The following MTOR variants were observed in gnomAD, a reference collection of about 807,000 sequenced individuals.
MTOR encodes mechanistic target of rapamycin kinase, also known as serine/threonine-protein kinase mTOR.
MTOR carries 70 observed loss-of-function variants against 319.8 expected under a neutral mutation model. The ratio of observed to expected loss-of-function variants is 0.22; its 90% CI spans 0.18 to 0.27. The LOEUF (loss-of-function observed/expected upper bound fraction) is 0.27, where lower values mean the gene tolerates loss of function less well. Ranked by LOEUF, MTOR falls within the 10% of genes least tolerant of loss-of-function variation. MTOR has a pLI of 1.00. For synonymous variants in MTOR, 1,183 were observed against 1,211.4 expected (o/e 0.98, Z 0.49); for missense variants, 1,890 against 3,274.4 (o/e 0.58, Z 10.32).
intron 29 of MTOR, among the ~76,000 whole-genome samples, chr1:11,166,388 A>G (rs1173124049): frequency 6.6e-6 from 1 of 152,222 alleles, no homozygotes; most frequent in Non-Finnish European, 1.5e-5. Context: ...AAGAACTTAA[A>G]CAAATTTACA....
intron 36 of MTOR, among the ~76,000 whole-genome samples, chr1:11,135,283 G>A (rs983996433): frequency 6.6e-6 from 1 of 151,678 alleles, no homozygotes; most frequent in Non-Finnish European, 1.5e-5. Context: ...CTAGAGGGGG[G>A]AAAACCCACA....
At chr1:11,254,051 TG>T in intron 5 of MTOR, 78 bp from the exon 6 acceptor site, 1 of 1,580,846 alleles carries the variant, frequency 6.3e-7, no homozygotes, top group Non-Finnish European at 8.7e-7. Context: ...CCATCTACAC[TG>T]GGGGTTCTGA....
rs150478292 is a variant in MTOR, at chr1:11,237,752, C to A, written c.2208+91G>T. The stretch of plus-strand genomic sequence containing the variant: ...ACCAGGTACCTCAATCTTTCTCCCC[C>A]ATCCTTGTCCTCAACTCCGCTTCCT... On this transcript the variant is annotated intron_variant, in intron 13 of 57. Coordinates refer to ENST00000361445, the MANE Select transcript of MTOR (RefSeq NM_004958.4). 127 of 1,387,804 alleles carry A rather than the reference C, an allele frequency of 9.2e-5. 1 individual carries two copies. In the African/African-American group the frequency reaches 1.6e-3, roughly 18 times the overall value. The allele number at this position is 1,387,804 out of a possible 1,614,324, so 86.0% of individuals were successfully genotyped here.
intron 19 of MTOR, among the ~76,000 whole-genome samples, chr1:11,221,431 T>C (rs1401887873): frequency 6.6e-6 from 1 of 152,126 alleles, no homozygotes; most frequent in Non-Finnish European, 1.5e-5. Flanking sequence ...CATTTAGTCA[T>C]CTTATTGTTA....
At position 11,107,224 on chromosome 1, in the gene MTOR, T is replaced by C. The variant is rs1223579779; in HGVS notation, c.*261A>G. 3 of 1,408,008 alleles carry C rather than the reference T, an allele frequency of 2.1e-6. No individual in the cohort carries two copies. Among genetic ancestry groups the C allele is most frequent in the African/African-American group, 2.9e-5 (2 of 69,642 alleles). 87.2% of individuals were successfully genotyped at this position (1,408,008 alleles called of 1,614,324 possible). On this transcript the variant is annotated 3_prime_UTR_variant, in exon 58 of 58. Coordinates refer to ENST00000361445, the MANE Select transcript of MTOR (RefSeq NM_004958.4). ...GTTATGGATCTTCTGTTCCCCAAAA[T>C]GAATGGCTTGATTTACGTGGTATTA... is the stretch of plus-strand genomic sequence containing the variant.
chr1:11,179,615 T>C (rs1645085033), intron 28 of MTOR, among the ~76,000 whole-genome samples: 1 of 152,230 alleles, frequency 6.6e-6, no homozygotes, highest in Admixed American at 6.5e-5. Flanking sequence ...GAGCCTTCCC[T>C]GGGGTTCATA....
At chr1:11,204,476 CTTGA>C (rs1646075796) in intron 26 of MTOR, 81 bp downstream of exon 26, 2 of 1,463,476 alleles carry the variant, frequency 1.4e-6, no homozygotes, top group Non-Finnish European at 1.8e-6. Flanking sequence ...ATACCAGCCC[CTTGA>C]TTATTACTTC....
intron 19 of MTOR, among the ~76,000 whole-genome samples, chr1:11,218,282 T>G (rs1437244568): frequency 6.6e-6 from 1 of 151,824 alleles, no homozygotes; most frequent in South Asian, 2.1e-4. Context: ...ATACAAAATT[T>G]AGCTGGGCAT....
At chr1:11,241,712 A>T in intron 9 of MTOR, 31 bp from the exon 10 acceptor site, 1 of 1,588,866 alleles carries the variant, frequency 6.3e-7, no homozygotes. Flanking sequence ...GCTAGTTGAG[A>T]CATAATGACA....
At chr1:11,119,787 A>AC (rs1642409028) in intron 49 of MTOR, among the ~76,000 whole-genome samples, 1 of 151,348 alleles carries the variant, frequency 6.6e-6, no homozygotes, top group African/African-American at 2.4e-5. Flanking sequence ...AAACAAACAA[A>AC]AAAAACAAAA....
At chr1:11,258,935 A>G (rs1650769485) in intron 2 of MTOR, among the ~76,000 whole-genome samples, 1 of 152,154 alleles carries the variant, frequency 6.6e-6, no homozygotes, top group Non-Finnish European at 1.5e-5. Flanking sequence ...CTCCAAACCC[A>G]TCCCAATCAC....
Position 11,106,769 on chromosome 1 carries a change from G to A in MTOR, c.*716C>T. On this transcript the variant is annotated 3_prime_UTR_variant, in exon 58 of 58. Coordinates refer to ENST00000361445, the MANE Select transcript of MTOR (RefSeq NM_004958.4). ...ACCACTGAAAACATCCCAGAACCCT[G>A]CTGCAGAAGGCCAGTGAGGGTGGTC... 4.0e-6 allele frequency: 5 copies of A among 1,253,952 alleles called. No homozygotes were observed. The South Asian group carries it at 8.2e-5, about 21-fold the overall frequency. 77.7% of individuals were successfully genotyped at this position (1,253,952 alleles called of 1,614,324 possible).
In MTOR at chr1:11,258,572, G is replaced by A. The variant is rs1217005872; in HGVS notation, c.184C>T (p.Arg62Cys). ...LREMSQEEST[R>C]FYDQLNHHIF... ...TGATGGTTCAGTTGGTCATAGAAGCGAGTAGACTCCTCTTGACTCATCTGC... is the reference window on the plus strand; with the variant it reads ...TGATGGTTCAGTTGGTCATAGAAGCAAGTAGACTCCTCTTGACTCATCTGC... The change falls in exon 3 of 58, where the codon CGC becomes TGC. Residue 62 changes from arginine to cysteine, a missense_variant. Physicochemically the swap from Arg to Cys is radical, Grantham distance 180. Coordinates refer to ENST00000361445, the MANE Select transcript of MTOR (RefSeq NM_004958.4). The A allele has an allele frequency of 6.2e-6, 10 of 1,613,728 alleles. No individual in the cohort carries two copies. The highest frequency in any genetic ancestry group is 2.2e-5 in the South Asian group (2 of 91,050).
intron 28 of MTOR, among the ~76,000 whole-genome samples, chr1:11,168,785 G>C (rs1644723765): frequency 6.6e-6 from 1 of 152,198 alleles, no homozygotes; most frequent in Admixed American, 6.5e-5. Context: ...AGGAGGCCTT[G>C]AAAACAGAGT....
Position 11,198,630 on chromosome 1 carries a change from G to GT in MTOR, c.4253+627dup, listed in dbSNP as rs369544484. Among the ~76,000 whole-genome samples, 533 of 152,270 alleles carry GT rather than the reference G, an allele frequency of 3.5e-3. 6 individuals are homozygous for GT. Among genetic ancestry groups the GT allele is most frequent in the African/African-American group, 0.012 (504 of 41,544 alleles). ...TGATAATCATTAGGGGAAGTGAATG[G>GT]TTTTTTAGGAGCTGGAGCTAATGTT... On this transcript the variant is annotated intron_variant, in intron 28 of 57. Coordinates refer to ENST00000361445, the MANE Select transcript of MTOR (RefSeq NM_004958.4).
Position 11,121,324 on chromosome 1 carries a change from C to T in MTOR, c.6855G>A (p.Glu2285=), listed in dbSNP as rs1226501528. The stretch of plus-strand genomic sequence containing the variant: ...TATTATTGACGGCATGCTCAAACAC[C>T]TCCACCTTCTGCATCAGAGTCAAGT... ...YDHLTLMQKV[E]VFEHAVNNTA... is the part of the protein sequence containing the mutation. The change falls in exon 49 of 58, where the codon GAG becomes GAA. Residue 2285 remains glutamate (E), a synonymous_variant. Coordinates refer to ENST00000361445, the MANE Select transcript of MTOR (RefSeq NM_004958.4). This position sits in a 1 kb window ranked among gnomAD's most constrained non-coding sequence, Gnocchi z 4.9. The T allele has an allele frequency of 1.9e-6, 3 of 1,614,072 alleles. No individual in the cohort carries two copies. The highest frequency in any genetic ancestry group is 2.5e-6 in the Non-Finnish European group (3 of 1,180,056).
intron 13 of MTOR, among the ~76,000 whole-genome samples, chr1:11,234,590 A>G (rs780513332): frequency 2.0e-5 from 3 of 152,206 alleles, no homozygotes; most frequent in Non-Finnish European, 4.4e-5. Flanking sequence ...CAACAGGGAG[A>G]GCTGTGAGTA....
At chr1:11,136,909 T>C (rs1222636584) in intron 36 of MTOR, among the ~76,000 whole-genome samples, 2 of 151,544 alleles carry the variant, frequency 1.3e-5, no homozygotes, top group African/African-American at 4.9e-5. Context: ...TGGCGTGATC[T>C]TGGCTCACTG....
At position 11,222,399 on chromosome 1, in the gene MTOR, G is replaced by A. The variant is rs992383453; in HGVS notation, c.3031-6165C>T. 4.6e-5 allele frequency among the ~76,000 whole-genome samples: 7 copies of A among 152,108 alleles called. No homozygotes were observed. The South Asian group carries it at 1.0e-3, about 23-fold the overall frequency. ...TTTTTAGTAGAGACAGGGTTTCATC[G>A]TGTTAGCCAGGATGGTCTTGATCTC... On this transcript the variant is annotated intron_variant, in intron 19 of 57. Transcript: ENST00000361445.
Sources: allele counts gnomAD v4.1 joint callset (sites outside exome capture counted in the v4.1 genomes callset), GRCh38; gene constraint gnomAD v4.1.1; non-coding constraint Gnocchi (gnomAD v3.1); transcripts MANE v1.5; gene names NCBI Gene and HGNC (gene_info 2026-07-23, HGNC 2026-07-21).